MICU2: variants seen among roughly 807,000 people sequenced by gnomAD.
MICU2 encodes calcium uptake protein 2, mitochondrial.
MICU2 carries 64 observed loss-of-function variants against 60.4 expected under a neutral mutation model. That is an observed-to-expected ratio of 1.06 (90% CI 0.87 to 1.31). MICU2 has a LOEUF of 1.31. Ranked by LOEUF, MICU2 falls within the 50% of genes most tolerant of loss-of-function variation. MICU2 has a pLI of 0.00. For synonymous variants in MICU2, 201 were observed against 175.0 expected (o/e 1.15, Z -1.17); for missense variants, 569 against 531.0 (o/e 1.07, Z -0.70).
chr13:21,587,937 A>G (rs1888493983), intron 1 of MICU2, among the ~76,000 whole-genome samples: 1 of 152,216 alleles, frequency 6.6e-6, no homozygotes, highest in South Asian at 2.1e-4. Flanking sequence ...CAGACTTTGA[A>G]CTGCATAGGT....
intron 1 of MICU2, among the ~76,000 whole-genome samples, chr13:21,577,848 G>A (rs1293095610): frequency 1.3e-5 from 2 of 148,242 alleles, no homozygotes; most frequent in African/African-American, 2.5e-5. Flanking sequence ...ATGTGGTGGC[G>A]CACACCTATA....
chr13:21,516,110 C>T (rs1886563087), intron 6 of MICU2, among the ~76,000 whole-genome samples: 1 of 152,024 alleles, frequency 6.6e-6, no homozygotes, highest in South Asian at 2.1e-4. Context: ...TCCCTGTTCC[C>T]CTCCCAATTA....
chr13:21,496,639 A>G (rs1218604490), intron 9 of MICU2: 2 of 154,348 alleles, frequency 1.3e-5, no homozygotes, highest in Non-Finnish European at 2.9e-5. Flanking sequence ...GTATGACCTT[A>G]GCCTCTCTAA....
chr13:21,517,375 C>G (rs1317152137), intron 6 of MICU2, among the ~76,000 whole-genome samples: 3 of 152,162 alleles, frequency 2.0e-5, no homozygotes, highest in South Asian at 2.1e-4. Flanking sequence ...TAAATAAAAT[C>G]TACTAGGAAA....
At chr13:21,524,048 T>C (rs1886789510) in intron 4 of MICU2, among the ~76,000 whole-genome samples, 1 of 152,180 alleles carries the variant, frequency 6.6e-6, no homozygotes, top group African/African-American at 2.4e-5. Context: ...CTCAAGTACA[T>C]TGTGTCAGGT....
At chr13:21,542,867 C>T (rs1463496203) in intron 2 of MICU2, among the ~76,000 whole-genome samples, 1 of 152,154 alleles carries the variant, frequency 6.6e-6, no homozygotes, top group Non-Finnish European at 1.5e-5. Context: ...TGCATTGATA[C>T]ACATTAAGTG....
At chr13:21,559,788 G>A (rs901527689) in intron 2 of MICU2, among the ~76,000 whole-genome samples, 3 of 152,076 alleles carry the variant, frequency 2.0e-5, no homozygotes, top group African/African-American at 7.2e-5. Flanking sequence ...GCCTCCCAAG[G>A]TGCTGGGATT....
At chr13:21,505,290 G>C (rs1886266021) in intron 8 of MICU2, among the ~76,000 whole-genome samples, 1 of 152,120 alleles carries the variant, frequency 6.6e-6, no homozygotes, top group African/African-American at 2.4e-5. Context: ...AAGAGAGTAG[G>C]AGAGAAGAGT....
At chr13:21,558,534 G>C (rs1386105939) in intron 2 of MICU2, among the ~76,000 whole-genome samples, 1 of 152,118 alleles carries the variant, frequency 6.6e-6, no homozygotes, top group Non-Finnish European at 1.5e-5. Context: ...GTGGATCTTA[G>C]GCTTGAACTT....
chr13:21,504,957 C>T (rs114129357), intron 8 of MICU2, among the ~76,000 whole-genome samples: 1,689 of 152,238 alleles, frequency 0.011, 30 homozygotes, highest in African/African-American at 0.039. Flanking sequence ...TTTATAAAAA[C>T]GCTTCATGAA....
chr13:21,531,297 A>C, intron 4 of MICU2: 1 of 1,574,154 alleles, frequency 6.4e-7, no homozygotes, highest in Non-Finnish European at 8.7e-7. Flanking sequence ...CAGCACAGAA[A>C]ATGACTCACC....
chr13:21,555,093 A>G (rs1566158969), intron 2 of MICU2, among the ~76,000 whole-genome samples: 1 of 152,220 alleles, frequency 6.6e-6, no homozygotes. Context: ...CCAGAGGTAC[A>G]AGGAGAAGCT....
At chr13:21,538,371 T>C (rs1257719166) in intron 4 of MICU2, among the ~76,000 whole-genome samples, 1 of 151,506 alleles carries the variant, frequency 6.6e-6, no homozygotes, top group Admixed American at 6.6e-5. Flanking sequence ...GGAGTTTGAG[T>C]CCAGCCTGAG....
intron 6 of MICU2, among the ~76,000 whole-genome samples, chr13:21,517,938 A>G (rs1886623212): frequency 1.3e-5 from 2 of 152,310 alleles, no homozygotes; most frequent in East Asian, 3.9e-4. Flanking sequence ...GACATGCTGT[A>G]TCACGCTCTA....
chr13:21,556,689 G>A (rs1033154461), intron 2 of MICU2, among the ~76,000 whole-genome samples: 9 of 152,118 alleles, frequency 5.9e-5, no homozygotes, highest in Admixed American at 4.6e-4. Context: ...AAGCATGTAG[G>A]CAAGTTCTCG....
At chr13:21,522,733 A>C (rs1886749900) in intron 4 of MICU2, 83 bp from the exon 5 acceptor site, 1 of 1,031,108 alleles carries the variant, frequency 9.7e-7, no homozygotes, top group Non-Finnish European at 1.4e-6. Context: ...ATTTCACCTA[A>C]TTAAAAAACA....
intron 6 of MICU2, among the ~76,000 whole-genome samples, chr13:21,519,060 G>A (rs9578387): frequency 0.17 from 25,723 of 151,890 alleles, 2,910 homozygotes; most frequent in Non-Finnish European, 0.26. Context: ...TTAAGAGTTC[G>A]GTGTCTTTTT....
At chr13:21,501,480 T>C (rs188339703) in intron 9 of MICU2, among the ~76,000 whole-genome samples, 74 of 152,286 alleles carry the variant, frequency 4.9e-4, no homozygotes, top group South Asian at 6.2e-4. Flanking sequence ...ACCAGGATGG[T>C]CTTGATCTCC....
chr13:21,573,569 G>C (rs1888162206), intron 1 of MICU2, among the ~76,000 whole-genome samples: 1 of 152,132 alleles, frequency 6.6e-6, no homozygotes, highest in Admixed American at 6.5e-5. Flanking sequence ...ACTGCGCCCA[G>C]CTTGCTGCCA....
Sources: gnomAD v4.1 joint callset for allele counts (sites outside exome capture counted in the v4.1 genomes callset) on GRCh38, gnomAD v4.1.1 for gene constraint, MANE v1.5 for transcripts, NCBI Gene and HGNC (gene_info 2026-07-23, HGNC 2026-07-21) for gene names.